Variants in MUC4 observed in about 807,000 individuals in gnomAD.
The protein encoded by MUC4 is mucin 4, cell surface associated.
In MUC4, 202 loss-of-function variants were observed where a neutral mutation model predicts 257.9. The ratio of observed to expected loss-of-function variants is 0.78; its 90% CI spans 0.70 to 0.88. The LOEUF (loss-of-function observed/expected upper bound fraction) is 0.88, where lower values mean the gene tolerates loss of function less well. MUC4 is among the 40% of genes least tolerant of loss of function. MUC4 has a pLI of 0.00. For missense variants in MUC4, 5,976 were observed against 6,513.7 expected, an observed-to-expected ratio of 0.92 and a Z score of 2.84; for synonymous variants, 2,351 against 2,757.1, an observed-to-expected ratio of 0.85 and a Z score of 4.62.
In MUC4 at chr3:195,746,931, TC is replaced by T. The variant is rs1161419542; in HGVS notation, c.*244del. ...GCACGCGCGCGTGCACAGGCTAGTG[TC>T]CTTCTGTGGGTGTGTCTGCGTGAGG... On this transcript the variant is annotated 3_prime_UTR_variant, in exon 25 of 25. Coordinates refer to ENST00000463781, the MANE Select transcript of MUC4 (RefSeq NM_018406.7). The T allele has an allele frequency of 6.5e-6, 4 of 612,146 alleles. No individual in the cohort carries two copies. The African/African-American group carries it at 7.4e-5, about 11-fold the overall frequency. The allele number at this position is 612,146 out of a possible 1,614,324, so 37.9% of individuals were successfully genotyped here.
At position 195,748,905 on chromosome 3, in the gene MUC4, C is replaced by T; in HGVS notation, c.16031G>A (p.Cys5344Tyr). The T allele has an allele frequency of 1.2e-5, 19 of 1,578,966 alleles. No homozygotes were observed. The highest frequency in any genetic ancestry group is 1.6e-5 in the Non-Finnish European group (19 of 1,163,708). The change falls in exon 24 of 25, where the codon TGC becomes TAC. Residue 5344 changes from cysteine to tyrosine, a missense_variant. Cys to Tyr is a radical substitution (Grantham distance 194). Around this residue, in one of 44 missense-constraint regions of MUC4, gnomAD observed 310 missense variants for 242.1 expected, o/e 1.28. Coordinates refer to ENST00000463781, the MANE Select transcript of MUC4 (RefSeq NM_018406.7). ...QCQHLPSGPR[C>Y]SCVSFSIYTA... ...TCCTGGCCACAGCCCTATGCACCTG[C>T]AGCGGGGCCCACTGGGCAGGTGCTG...
intron 2 of MUC4, 147 bp from the exon 3 acceptor site, chr3:195,778,602 G>T: frequency 7.7e-7 from 1 of 1,301,472 alleles, no homozygotes; most frequent in Non-Finnish European, 1.0e-6. Flanking sequence ...CTCGACATCA[G>T]TGCTTTTCGA....
rs1175970703 is a variant in MUC4, at chr3:195,788,127, G to A, written c.3453C>T (p.Thr1151=). 5 of 1,431,398 alleles carry A rather than the reference G, an allele frequency of 3.5e-6. 1 individual carries two copies. The South Asian group carries it at 3.9e-5, about 11-fold the overall frequency. 88.7% of individuals were successfully genotyped at this position (1,431,398 alleles called of 1,614,324 possible). ...DTSSVSTGHT[T]PLHVTDASSA... The stretch of plus-strand genomic sequence containing the variant: ...AGGAAGCATCAGTGACATGAAGAGG[G>A]GTGGTGTGACCTGTGGATACTGAGG... The change falls in exon 2 of 25, where the codon ACC becomes ACT. Residue 1151 remains threonine (T), a synonymous_variant. Transcript: ENST00000463781.
chr3:195,789,208 G>T lies in MUC4; in HGVS notation c.2372C>A (p.Ala791Asp), dbSNP rs199652751. Residue 791 changes from alanine to aspartate, a missense_variant, in exon 2 of 25, where the codon GCC becomes GAC. Physicochemically the swap from Ala to Asp is moderately radical, Grantham distance 126. Coordinates refer to ENST00000463781, the MANE Select transcript of MUC4 (RefSeq NM_018406.7). ...ASGQTQTSEP[A>D]SSGSRTTSAG... ...TGAGGTGGTTCGTGACCCTGAGGAG[G>T]CCGGTTCGCTGGTCTGTGTTTGTCC... The T allele has an allele frequency of 2.5e-6, 4 of 1,613,768 alleles. No individual in the cohort carries two copies. Among genetic ancestry groups the T allele is most frequent in the Non-Finnish European group, 3.4e-6 (4 of 1,179,862 alleles).
intron 1 of MUC4, 119 bp from the exon 2 acceptor site, chr3:195,791,616 C>T: frequency 1.4e-6 from 1 of 692,712 alleles, no homozygotes; most frequent in African/African-American, 1.8e-5. Context: ...TGAAAACTAC[C>T]ATTCTTCACA....
At chr3:195,767,556 T>TCACCACC (rs1560261676) in intron 7 of MUC4, among the ~76,000 whole-genome samples, 1 of 22,400 alleles carries the variant, frequency 4.5e-5, no homozygotes, top group Non-Finnish European at 7.4e-5. Flanking sequence ...CCATCACCAT[T>TCACCACC]ACCATTGCCA....
intron 18 of MUC4, among the ~76,000 whole-genome samples, chr3:195,754,938 A>G (rs78006633): frequency 8.1e-4 from 67 of 82,506 alleles, no homozygotes; most frequent in Admixed American, 3.1e-3. Context: ...GTATCCATGT[A>G]TGTATCCATA....
At chr3:195,799,049 T>G (rs1392880650) in intron 1 of MUC4, among the ~76,000 whole-genome samples, 1 of 152,200 alleles carries the variant, frequency 6.6e-6, no homozygotes, top group Non-Finnish European at 1.5e-5. Context: ...TCCCATTTTC[T>G]GTTAAACAGG....
intron 10 of MUC4, among the ~76,000 whole-genome samples, chr3:195,764,456 C>G (rs1719974396): frequency 6.6e-6 from 1 of 152,126 alleles, no homozygotes; most frequent in African/African-American, 2.4e-5. Context: ...GGCCACTGTG[C>G]AGCAGGGCGC....
Position 195,757,409 on chromosome 3 carries a change from C to G in MUC4, c.14987-81G>C. On this transcript the variant is annotated intron_variant, in intron 17 of 24. Transcript: ENST00000463781. This position sits in a 1 kb window ranked among gnomAD's most constrained non-coding sequence, Gnocchi z 4.8. Reference sequence around the variant, plus strand: ...CTGATTGCTGATACGGGGCTTCCCCCACCCCTCTCAGGCCACCCTCCCCCT... The same window carrying G: ...CTGATTGCTGATACGGGGCTTCCCCGACCCCTCTCAGGCCACCCTCCCCCT... The G allele has an allele frequency of 7.4e-7, 1 of 1,354,066 alleles. No homozygotes were observed. The highest frequency in any genetic ancestry group is 1.0e-6 in the Non-Finnish European group (1 of 988,770). 83.9% of individuals were successfully genotyped at this position (1,354,066 alleles called of 1,614,324 possible). A position where few individuals can be genotyped will look rare whatever the true frequency, so the allele number is the denominator to read the frequency against.
chr3:195,762,265 G>C lies in MUC4; in HGVS notation c.14345-11C>G. 1.3e-6 allele frequency: 2 copies of C among 1,563,288 alleles called. No homozygotes were observed. Among genetic ancestry groups the C allele is most frequent in the Non-Finnish European group, 1.7e-6 (2 of 1,153,540 alleles). Reference sequence around the variant, plus strand: ...TGAACGTCTCCTGGCCTGGAGCATCGGGAGGCAGCGGAGAGGAAGCCAGGT... The same window carrying C: ...TGAACGTCTCCTGGCCTGGAGCATCCGGAGGCAGCGGAGAGGAAGCCAGGT... On this transcript the variant is annotated splice_polypyrimidine_tract_variant and intron_variant, in intron 13 of 24. Coordinates refer to ENST00000463781, the MANE Select transcript of MUC4 (RefSeq NM_018406.7).
chr3:195,761,943 C>A, intron 14 of MUC4, 144 bp downstream of exon 14: 1 of 1,046,318 alleles, frequency 9.6e-7, no homozygotes, highest in South Asian at 1.7e-5. Flanking sequence ...CCCCTCGGCT[C>A]CCGGCCCGCT....
intron 1 of MUC4, among the ~76,000 whole-genome samples, chr3:195,803,916 A>G (rs1309785535): frequency 3.3e-5 from 5 of 151,536 alleles, no homozygotes; most frequent in African/African-American, 1.2e-4. Context: ...CGAGCCAGGC[A>G]CATTCTCGGG....
chr3:195,801,126 C>G (rs1735248833), intron 1 of MUC4, among the ~76,000 whole-genome samples: 1 of 152,180 alleles, frequency 6.6e-6, no homozygotes, highest in Admixed American at 6.5e-5. Context: ...CTAAAAAATA[C>G]TCATAGCCTT....
At chr3:195,752,966 T>A in intron 20 of MUC4, 85 bp downstream of exon 20, 1 of 1,208,980 alleles carries the variant, frequency 8.3e-7, no homozygotes, top group Non-Finnish European at 1.1e-6. Flanking sequence ...TTCCTCATCT[T>A]CCCCAAAGGT....
At chr3:195,756,170 A>C (rs1393826052) in intron 18 of MUC4, among the ~76,000 whole-genome samples, 1 of 152,160 alleles carries the variant, frequency 6.6e-6, no homozygotes, top group East Asian at 1.9e-4. Context: ...ATGACATCCT[A>C]GGGAGAAATG....
chr3:195,768,925 C>T (rs1016293479), intron 7 of MUC4, 97 bp downstream of exon 7: 4 of 1,466,876 alleles, frequency 2.7e-6, no homozygotes, highest in Non-Finnish European at 3.7e-6. Context: ...CAGGAGGGTT[C>T]CCGCCTTGCC....
intron 4 of MUC4, 95 bp downstream of exon 4, chr3:195,774,077 G>A (rs1723795487): frequency 1.4e-6 from 2 of 1,394,800 alleles, no homozygotes; most frequent in Non-Finnish European, 9.5e-7. Context: ...AGCCAAGGCT[G>A]CTTCCATTCC....
chr3:195,774,217 C>T lies in MUC4; in HGVS notation c.13032G>A (p.Pro4344=), dbSNP rs766547794. Residue 4344 remains proline (P), a synonymous_variant, in exon 4 of 25, where the codon CCG becomes CCA. Coordinates refer to ENST00000463781, the MANE Select transcript of MUC4 (RefSeq NM_018406.7). ...TVDFTSPLFK[P]ATGFPLGSSL... is the part of the protein sequence containing the mutation. ...AGGAGCCAAGGGGGAAGCCAGTCGC[C>T]GGCTTGAAGAGTGGGGAGGTGAAGT... 20 of 1,608,194 alleles carry T rather than the reference C, an allele frequency of 1.2e-5. No individual in the cohort carries two copies. The highest frequency in any genetic ancestry group is 1.7e-4 in the Middle Eastern group (1 of 5,964).
Sources: gnomAD v4.1 joint callset for allele counts (sites outside exome capture counted in the v4.1 genomes callset) on GRCh38, gnomAD v4.1.1 for gene constraint, gnomAD v4.1.1 regional missense constraint, Gnocchi (gnomAD v3.1) non-coding constraint, MANE v1.5 for transcripts, NCBI Gene and HGNC (gene_info 2026-07-23, HGNC 2026-07-21) for gene names.